The following ACTR3 variants were observed in gnomAD, a reference collection of about 807,000 sequenced individuals.
ACTR3 encodes the protein actin-related protein 3.
A neutral mutation model predicts 56.8 loss-of-function variants in ACTR3; 12 were observed. The observed-to-expected ratio is 0.21, with a 90% CI of 0.14 to 0.34. The LOEUF is 0.34. Ranked by LOEUF, ACTR3 falls within the 10% of genes least tolerant of loss-of-function variation. ACTR3 has a pLI of 1.00. For synonymous variants in ACTR3, 162 were observed against 167.4 expected (o/e 0.97, Z 0.25); for missense variants, 282 against 512.5 (o/e 0.55, Z 4.34).
rs1274247615 is a variant in ACTR3, at chr2:113,934,302, T to C, written c.456T>C (p.Ser152=). 1 of 1,606,814 alleles carries C rather than the reference T, an allele frequency of 6.2e-7. No homozygotes were observed. The highest frequency in any genetic ancestry group is 8.5e-7 in the Non-Finnish European group (1 of 1,177,676). Residue 152 remains serine (S), a synonymous_variant, in exon 6 of 12, where the codon TCT becomes TCC. Coordinates refer to ENST00000263238, the MANE Select transcript of ACTR3 (RefSeq NM_005721.5). ...AGGCTGTTCTTGCCTTAGCTGCATC[T>C]TGGACCTCAAGACAAGTAGGAGAAC... ...AVQAVLALAA[S]WTSRQVGERT...
At chr2:113,922,845 T>C (rs17197632) in intron 3 of ACTR3, among the ~76,000 whole-genome samples, 70,072 of 152,084 alleles carry the variant, frequency 0.46, 20,083 homozygotes, top group Middle Eastern at 0.66. Flanking sequence ...AAAGTCTTAA[T>C]TGGTGTTCAG....
intron 3 of ACTR3, 146 bp downstream of exon 3, chr2:113,917,154 T>A (rs1679421351): frequency 3.2e-6 from 2 of 626,600 alleles, no homozygotes; most frequent in South Asian, 6.4e-5. Context: ...ATGGCATCCT[T>A]CCCTGTTGCT....
At chr2:113,944,530 C>T (rs1235904065) in intron 8 of ACTR3, among the ~76,000 whole-genome samples, 1 of 138,120 alleles carries the variant, frequency 7.2e-6, no homozygotes, top group South Asian at 2.2e-4. Flanking sequence ...GGGCAGATCA[C>T]GAGGTCAGGA....
chr2:113,951,796 T>C lies in ACTR3; in HGVS notation c.1028T>C (p.Val343Ala). Residue 343 changes from valine to alanine, a missense_variant, in exon 10 of 12, where the codon GTA becomes GCA. Transcript: ENST00000263238. Reference protein sequence around the residue: ...RRLQRDLKRTVDARLKLSEEL... With the variant: ...RRLQRDLKRTADARLKLSEEL... The stretch of plus-strand genomic sequence containing the variant: ...TTGCAAAGAGATTTGAAAAGAACTG[T>C]AGATGCCCGGCTGAAATTAAGTGAG... 2 of 1,613,700 alleles carry C rather than the reference T, an allele frequency of 1.2e-6. No individual in the cohort carries two copies. The highest frequency in any genetic ancestry group is 2.2e-5 in the East Asian group (1 of 44,868).
chr2:113,905,885 A>G (rs1354339159), intron 1 of ACTR3, among the ~76,000 whole-genome samples: 1 of 152,162 alleles, frequency 6.6e-6, no homozygotes, highest in South Asian at 2.1e-4. Context: ...TATTTTGTTT[A>G]TCCATTCACA....
chr2:113,889,983 G>T (rs1170671280), upstream of ACTR3: 1 of 530,220 alleles, frequency 1.9e-6, no homozygotes, highest in Non-Finnish European at 3.3e-6. Flanking sequence ...GGGGAAAGGC[G>T]GCGTGAGGGG....
At chr2:113,934,900 T>A (rs1432036521) in intron 6 of ACTR3, among the ~76,000 whole-genome samples, 3 of 152,222 alleles carry the variant, frequency 2.0e-5, no homozygotes, top group Non-Finnish European at 4.4e-5. Context: ...TTAAAAAAAT[T>A]ATGCCTAATG....
At chr2:113,951,017 C>T (rs35201383) in intron 8 of ACTR3, 18,720 of 153,670 alleles carry the variant, frequency 0.12, 1,830 homozygotes, top group African/African-American at 0.27. Flanking sequence ...TCCATGAGAA[C>T]AGTATGGGGG....
chr2:113,913,617 G>A (rs1235546633), intron 2 of ACTR3, among the ~76,000 whole-genome samples: 1 of 152,132 alleles, frequency 6.6e-6, no homozygotes, highest in Non-Finnish European at 1.5e-5. Context: ...TGTAGGGCCC[G>A]TATCTGTTGA....
In ACTR3 at chr2:113,957,455, A is replaced by G; in HGVS notation, c.1257A>G (p.Ter419=). ...ATCCAGTGTTTGGAGTCATGTCGTAAAATTGGCTTCATAGTTATTGGGGTT... is the reference window on the plus strand; with the variant it reads ...ATCCAGTGTTTGGAGTCATGTCGTAGAATTGGCTTCATAGTTATTGGGGTT... ...RHNPVFGVMS[*] is the part of the protein sequence containing the mutation. Residue 419 remains the stop codon, a stop_retained_variant, in exon 12 of 12, where the codon TAA becomes TAG. Coordinates refer to ENST00000263238, the MANE Select transcript of ACTR3 (RefSeq NM_005721.5). 3 of 1,611,932 alleles carry G rather than the reference A, an allele frequency of 1.9e-6. No individual in the cohort carries two copies. The highest frequency in any genetic ancestry group is 1.1e-5 in the South Asian group (1 of 90,972).
intron 1 of ACTR3, among the ~76,000 whole-genome samples, chr2:113,899,654 T>C (rs1023999213): frequency 1.3e-5 from 2 of 152,236 alleles, no homozygotes; most frequent in African/African-American, 2.4e-5. Context: ...TAGGATGTGA[T>C]AGATATATGG....
chr2:113,921,561 AG>A (rs1486375908), intron 3 of ACTR3, among the ~76,000 whole-genome samples: 1 of 152,036 alleles, frequency 6.6e-6, no homozygotes, highest in African/African-American at 2.4e-5. Flanking sequence ...ATGTTGTGAG[AG>A]GTTTCCCCTA....
chr2:113,940,148 CATTT>C (rs1679898559), intron 7 of ACTR3, 46 bp downstream of exon 7: 4 of 1,537,096 alleles, frequency 2.6e-6, no homozygotes. Context: ...ATTAAAATCA[CATTT>C]ATAACATTAA....
chr2:113,921,317 TG>T (rs1311546444), intron 3 of ACTR3, among the ~76,000 whole-genome samples: 2 of 151,358 alleles, frequency 1.3e-5, no homozygotes, highest in African/African-American at 4.9e-5. Context: ...AAAAAATCAG[TG>T]TTTTTTTTTT....
At chr2:113,929,906 T>C (rs10179207) in intron 4 of ACTR3, among the ~76,000 whole-genome samples, 8,923 of 152,164 alleles carry the variant, frequency 0.059, 776 homozygotes, top group African/African-American at 0.19. Flanking sequence ...CTTGAACTTC[T>C]AGTCTCAAGT....
At chr2:113,949,536 G>A (rs1328431212) in intron 8 of ACTR3, among the ~76,000 whole-genome samples, 1 of 151,956 alleles carries the variant, frequency 6.6e-6, no homozygotes, top group African/African-American at 2.4e-5. Flanking sequence ...TACAATACTT[G>A]TTTGTTTTTC....
intron 1 of ACTR3, among the ~76,000 whole-genome samples, chr2:113,912,336 T>C (rs948677901): frequency 1.8e-4 from 28 of 152,202 alleles, no homozygotes; most frequent in African/African-American, 6.0e-4. Context: ...TTATAGTTAA[T>C]AGCTTTTCCC....
At chr2:113,913,956 T>G (rs11694521) in intron 2 of ACTR3, among the ~76,000 whole-genome samples, 69,918 of 151,916 alleles carry the variant, frequency 0.46, 20,011 homozygotes, top group Middle Eastern at 0.66. Context: ...TTCTGATCTA[T>G]TTGTCTTACA....
chr2:113,927,247 C>A, intron 3 of ACTR3, 98 bp from the exon 4 acceptor site: 1 of 686,718 alleles, frequency 1.5e-6, no homozygotes, highest in Non-Finnish European at 2.3e-6. Context: ...ATATCCTCAT[C>A]TAATATCCAC....
Sources: allele counts gnomAD v4.1 joint callset (sites outside exome capture counted in the v4.1 genomes callset), GRCh38; gene constraint gnomAD v4.1.1; transcripts MANE v1.5; gene names NCBI Gene and HGNC (gene_info 2026-07-23, HGNC 2026-07-21).